HDAC4: variants seen among roughly 807,000 people sequenced by gnomAD.
HDAC4 encodes histone deacetylase A.
HDAC4 carries 16 observed loss-of-function variants against 135.1 expected under a neutral mutation model. The observed-to-expected ratio is 0.12, with a 90% CI of 0.08 to 0.18. The LOEUF is 0.18. Ranked by LOEUF, HDAC4 falls within the 10% of genes least tolerant of loss-of-function variation. The pLI is 1.00. For synonymous variants in HDAC4, 685 were observed against 653.4 expected (o/e 1.05, Z -0.74); for missense variants, 1,143 against 1,511.8 (o/e 0.76, Z 4.05).
At chr2:239,236,444 C>T (rs1430963617) in intron 3 of HDAC4, 149 bp downstream of exon 3, 1 of 647,838 alleles carries the variant, frequency 1.5e-6, no homozygotes, top group East Asian at 2.7e-5. Flanking sequence ...CCTCTTTTAC[C>T]ACCAGGAAGA....
At chr2:239,264,791 G>A (rs2049614298) in intron 2 of HDAC4, among the ~76,000 whole-genome samples, 1 of 152,214 alleles carries the variant, frequency 6.6e-6, no homozygotes, top group African/African-American at 2.4e-5. Context: ...TAAACACTGT[G>A]CAGGGGGGAC....
Position 239,068,637 on chromosome 2 carries a change from G to A in HDAC4, c.2751-30C>T, listed in dbSNP as rs771601475. The A allele has an allele frequency of 1.3e-5, 20 of 1,576,278 alleles. No individual in the cohort carries two copies. The East Asian group carries it at 4.5e-4, about 35-fold the overall frequency. ...AAAGGACAGGAGAAGGCGTTACTGGGTCAGCTGAAAGAGGGACGGGACGGT... is the reference window on the plus strand; with the variant it reads ...AAAGGACAGGAGAAGGCGTTACTGGATCAGCTGAAAGAGGGACGGGACGGT... On this transcript the variant is annotated intron_variant, in intron 22 of 26. Transcript: ENST00000543185. This position sits in a 1 kb window ranked among gnomAD's most constrained non-coding sequence, Gnocchi z 4.4.
At chr2:239,219,973 A>G (rs2153120108) in intron 3 of HDAC4, among the ~76,000 whole-genome samples, 1 of 152,358 alleles carries the variant, frequency 6.6e-6, no homozygotes, top group South Asian at 2.1e-4. Flanking sequence ...GTGCATACAG[A>G]GGATGGGAAT....
rs189308888 is a variant in HDAC4 at position 239,124,620 on chromosome 2, G to A, written c.1533+1836C>T. Among the ~76,000 whole-genome samples, 1,021 of 140,068 alleles carry A rather than the reference G, an allele frequency of 7.3e-3. 12 individuals are homozygous for A. The highest frequency in any genetic ancestry group is 0.015 in the Middle Eastern group (3 of 206). 91.9% of individuals were successfully genotyped at this position (140,068 alleles called of 152,430 possible). ...ATTCCACGTTATATGACATTCCGGCGTGCCGGCATGTGGCCGCACATCATT... is the reference window on the plus strand; with the variant it reads ...ATTCCACGTTATATGACATTCCGGCATGCCGGCATGTGGCCGCACATCATT... On this transcript the variant is annotated intron_variant, in intron 12 of 26. Coordinates refer to ENST00000543185, the MANE Select transcript of HDAC4 (RefSeq NM_001378414.1).
At position 239,245,958 on chromosome 2, in the gene HDAC4, G is replaced by C. The variant is rs1015229238; in HGVS notation, c.23-9294C>G. On this transcript the variant is annotated intron_variant, in intron 2 of 26. Coordinates refer to ENST00000543185, the MANE Select transcript of HDAC4 (RefSeq NM_001378414.1). The surrounding 1 kb of genome is among the most constrained non-coding windows in gnomAD (Gnocchi z 4.4). ...TGGGAACGTGAGAGTGAGCAACGCA[G>C]AGGCCTGGCCCCGGCCCAGCAGAAC... 6.6e-6 allele frequency among the ~76,000 whole-genome samples: 1 copy of C among 152,204 alleles called. No homozygotes were observed. Among genetic ancestry groups the C allele is most frequent in the Non-Finnish European group, 1.5e-5 (1 of 68,048 alleles).
At chr2:239,329,109 G>A (rs1163783376) in intron 2 of HDAC4, among the ~76,000 whole-genome samples, 1 of 152,176 alleles carries the variant, frequency 6.6e-6, no homozygotes, top group Non-Finnish European at 1.5e-5. Context: ...ATGGAGGCAG[G>A]CGGCATGGAA....
In HDAC4 at chr2:239,303,448, G is replaced by A. The variant is rs980028625; in HGVS notation, c.22+49230C>T. 2.6e-5 allele frequency among the ~76,000 whole-genome samples: 4 copies of A among 151,978 alleles called. No homozygotes were observed. The highest frequency in any genetic ancestry group is 9.7e-5 in the African/African-American group (4 of 41,390). On this transcript the variant is annotated intron_variant, in intron 2 of 26. Coordinates refer to ENST00000543185, the MANE Select transcript of HDAC4 (RefSeq NM_001378414.1). The surrounding 1 kb of genome is among the most constrained non-coding windows in gnomAD (Gnocchi z 5.1). ...TGGTGTGGCCCACAGGGCATCCTGC[G>A]AGAGCGTCACAAGCACCCCACGAAC...
At chr2:239,123,230 A>G (rs573031756) in intron 12 of HDAC4, among the ~76,000 whole-genome samples, 1 of 152,242 alleles carries the variant, frequency 6.6e-6, no homozygotes, top group Non-Finnish European at 1.5e-5. Flanking sequence ...AGGAAGACGG[A>G]TGTGAAAGTG....
chr2:239,102,988 A>G (rs761445907), intron 15 of HDAC4, 92 bp from the exon 16 acceptor site: 33 of 1,498,190 alleles, frequency 2.2e-5, no homozygotes, highest in Non-Finnish European at 3.0e-5. Flanking sequence ...CCATTGCCCA[A>G]AAGGAAACTT....
At chr2:239,236,421 C>T (rs995257205) in intron 3 of HDAC4, among the ~76,000 whole-genome samples, 172 bp downstream of exon 3, 7 of 152,210 alleles carry the variant, frequency 4.6e-5, no homozygotes, top group African/African-American at 1.4e-4. Context: ...CATTTCATTT[C>T]CAAAAAGGAT....
chr2:239,250,326 G>C (rs369763646), intron 2 of HDAC4, among the ~76,000 whole-genome samples: 1 of 152,226 alleles, frequency 6.6e-6, no homozygotes, highest in Non-Finnish European at 1.5e-5. Flanking sequence ...TCAGTACCCG[G>C]TCTCTAACCC....
chr2:239,280,945 C>T, intron 2 of HDAC4, among the ~76,000 whole-genome samples: 1 of 139,250 alleles, frequency 7.2e-6, no homozygotes, highest in Non-Finnish European at 1.5e-5. Flanking sequence ...GTACACACCA[C>T]TCTACAATGT....
intron 2 of HDAC4, among the ~76,000 whole-genome samples, chr2:239,292,775 G>T (rs2051606783): frequency 6.6e-6 from 1 of 152,094 alleles, no homozygotes; most frequent in African/African-American, 2.4e-5. Context: ...AGAAGCCAAG[G>T]AGGCTCTCTT....
chr2:239,356,417 TGAGGAG>T (rs1353604501), intron 1 of HDAC4, among the ~76,000 whole-genome samples: 1 of 152,054 alleles, frequency 6.6e-6, no homozygotes, highest in African/African-American at 2.4e-5. Flanking sequence ...AGGAATCGTG[TGAGGAG>T]GGACTAAAAA....
At chr2:239,140,824 C>T (rs964131959) in intron 8 of HDAC4, 1 of 378,380 alleles carries the variant, frequency 2.6e-6, no homozygotes, top group Admixed American at 3.1e-5. Flanking sequence ...CTGCTTGCTG[C>T]CCGCGTCCTC....
At chr2:239,177,111 T>C (rs2043824634) in intron 4 of HDAC4, among the ~76,000 whole-genome samples, 1 of 152,236 alleles carries the variant, frequency 6.6e-6, no homozygotes, top group Non-Finnish European at 1.5e-5. Flanking sequence ...GGAGAAATGA[T>C]GTGTGTTCAT....
At chr2:239,193,800 C>T (rs913220651) in intron 3 of HDAC4, among the ~76,000 whole-genome samples, 1 of 152,240 alleles carries the variant, frequency 6.6e-6, no homozygotes, top group Non-Finnish European at 1.5e-5. Context: ...TTTCTTTCTT[C>T]AAACTTTTCT....
At chr2:239,148,724 T>C (rs577084405) in intron 7 of HDAC4, among the ~76,000 whole-genome samples, 16 of 152,272 alleles carry the variant, frequency 1.1e-4, no homozygotes, top group African/African-American at 2.9e-4. Context: ...ATGACCAAGA[T>C]GGCGAGGCCG....
chr2:239,358,982 A>G (rs983829124), intron 1 of HDAC4, among the ~76,000 whole-genome samples: 4 of 152,170 alleles, frequency 2.6e-5, no homozygotes, highest in African/African-American at 9.7e-5. Flanking sequence ...TAGCATATGT[A>G]TTTCATGTTG....
Sources: allele counts gnomAD v4.1 joint callset (sites outside exome capture counted in the v4.1 genomes callset), GRCh38; gene constraint gnomAD v4.1.1; non-coding constraint Gnocchi (gnomAD v3.1); transcripts MANE v1.5; gene names NCBI Gene and HGNC (gene_info 2026-07-23, HGNC 2026-07-21).